NFIB: variants seen among roughly 807,000 people sequenced by gnomAD.
NFIB encodes the protein nuclear factor 1 B-type.
NFIB carries 11 observed loss-of-function variants against 61.5 expected under a neutral mutation model. The ratio of observed to expected loss-of-function variants is 0.18; its 90% confidence interval spans 0.11 to 0.30. NFIB has a LOEUF of 0.30. Ranked by LOEUF, NFIB falls within the 10% of genes least tolerant of loss-of-function variation. The pLI, the probability that NFIB is intolerant of heterozygous loss-of-function variation, is 1.00. For missense variants in NFIB, 471 were observed against 608.9 expected, an observed-to-expected ratio of 0.77 and a Z score of 2.38; for synonymous variants, 260 against 216.5, an observed-to-expected ratio of 1.20 and a Z score of -1.76.
chr9:14,415,748 G>C, the NFIB span, among the ~76,000 whole-genome samples: 1 of 152,126 alleles, frequency 6.6e-6, no homozygotes, highest in Non-Finnish European at 1.5e-5. Context: ...TGGTGATGTC[G>C]GTGTCCAACA....
chr9:14,085,237 G>A lies in NFIB; in HGVS notation c.*3072C>T. 4.4e-6 allele frequency: 1 copy of A among 227,776 alleles called. No homozygotes were observed. The allele number at this position is 227,776 out of a possible 1,614,324, so 14.1% of individuals were successfully genotyped here. A position where few individuals can be genotyped will look rare whatever the true frequency, so the allele number is the denominator to read the frequency against. On this transcript the variant is annotated 3_prime_UTR_variant, in exon 11 of 11. Transcript: ENST00000380953. ...TGTTCTAAAGTATTCATTATTAAAT[G>A]ATATGCTGTGAGAACAATTGACAGT...
chr9:14,194,453 AG>A (rs570348535), intron 2 of NFIB, among the ~76,000 whole-genome samples: 111 of 152,272 alleles, frequency 7.3e-4, no homozygotes, highest in Middle Eastern at 3.4e-3. Context: ...TGGGTGGGAC[AG>A]GGAGCCTAAA....
chr9:14,188,234 A>T (rs1311441185), intron 2 of NFIB, among the ~76,000 whole-genome samples: 1 of 152,222 alleles, frequency 6.6e-6, no homozygotes, highest in Non-Finnish European at 1.5e-5. Context: ...AATCTTATTT[A>T]AATTAATTAA....
rs140176824 is a variant in NFIB at position 14,210,609 on chromosome 9, C to T, written c.563-30829G>A. Among the ~76,000 whole-genome samples, 267 of 151,998 alleles carry T rather than the reference C, an allele frequency of 1.8e-3. 1 individual carries two copies. Among genetic ancestry groups the T allele is most frequent in the Middle Eastern group, 3.4e-3 (1 of 294 alleles). On this transcript the variant is annotated intron_variant, in intron 2 of 10. Coordinates refer to ENST00000380953, the MANE Select transcript of NFIB (RefSeq NM_001190737.2). Reference sequence around the variant, plus strand: ...ATCCCTAACCAAATATAAATAGCATCGTTAGTCAATTACTTCTGATGGTTA... The same window carrying T: ...ATCCCTAACCAAATATAAATAGCATTGTTAGTCAATTACTTCTGATGGTTA...
At chr9:14,383,739 C>G (rs113382961) in intron 1 of NFIB, among the ~76,000 whole-genome samples, 1 of 152,184 alleles carries the variant, frequency 6.6e-6, no homozygotes. Flanking sequence ...AGAGCGTACT[C>G]TGAAGATTTA....
intron 2 of NFIB, among the ~76,000 whole-genome samples, chr9:14,262,754 T>A (rs1439046463): frequency 6.6e-6 from 1 of 152,190 alleles, no homozygotes; most frequent in Non-Finnish European, 1.5e-5. Flanking sequence ...CAAGAGTCAC[T>A]GGTAAGGCAG....
chr9:14,273,492 C>CG (rs2057772450), intron 2 of NFIB, among the ~76,000 whole-genome samples: 2 of 151,810 alleles, frequency 1.3e-5, no homozygotes, highest in Admixed American at 1.3e-4. Context: ...GAGTACCTGC[C>CG]GGCAGATTTC....
chr9:14,313,411 G>C lies in NFIB; in HGVS notation c.30+71C>G. Reference sequence around the variant, plus strand: ...CGGAGGTTAACTCAAGCCGCTAATTGTCCGCAACAAAACAAAACAAAGGCA... The same window carrying C: ...CGGAGGTTAACTCAAGCCGCTAATTCTCCGCAACAAAACAAAACAAAGGCA... On this transcript the variant is annotated intron_variant, in intron 1 of 10. Coordinates refer to ENST00000380953, the MANE Select transcript of NFIB (RefSeq NM_001190737.2). The surrounding 1 kb of genome is among the most constrained non-coding windows in gnomAD (Gnocchi z 4.5). The C allele has an allele frequency of 1.2e-6, 2 of 1,605,036 alleles. No homozygotes were observed. Among genetic ancestry groups the C allele is most frequent in the Non-Finnish European group, 1.7e-6 (2 of 1,173,108 alleles).
chr9:14,264,790 G>A (rs1296487642), intron 2 of NFIB, among the ~76,000 whole-genome samples: 2 of 152,148 alleles, frequency 1.3e-5, no homozygotes, highest in East Asian at 3.9e-4. Context: ...AGCCAATAAG[G>A]AACTTGAAAG....
At chr9:14,089,671 G>C (rs577867906) in intron 10 of NFIB, among the ~76,000 whole-genome samples, 48 of 151,998 alleles carry the variant, frequency 3.2e-4, no homozygotes, top group African/African-American at 1.2e-3. Context: ...AAATTTCACT[G>C]AACATCCTTT....
At chr9:14,237,961 T>G (rs185655089) in intron 2 of NFIB, among the ~76,000 whole-genome samples, 1 of 151,088 alleles carries the variant, frequency 6.6e-6, no homozygotes, top group African/African-American at 2.4e-5. Context: ...AGGCTTACGG[T>G]CTAGGAGGGG....
chr9:14,191,955 C>A (rs193190935), intron 2 of NFIB, among the ~76,000 whole-genome samples: 50 of 152,262 alleles, frequency 3.3e-4, no homozygotes, highest in African/African-American at 1.1e-3. Flanking sequence ...TACACAAAAA[C>A]AAGAAATCAC....
At chr9:14,398,743 G>T in exon 1 of NFIB, 1 of 679,096 alleles carries the variant, frequency 1.5e-6, no homozygotes, top group Non-Finnish European at 2.4e-6. Context: ...AGCTTCATAG[G>T]AATGAACAGG....
chr9:14,523,921 A>T, the NFIB span, among the ~76,000 whole-genome samples: 9,783 of 152,170 alleles, frequency 0.064, 321 homozygotes, highest in African/African-American at 0.067. Flanking sequence ...TGTTAATTTC[A>T]TCATAATTCC....
At chr9:14,147,951 C>T (rs1222923049) in intron 5 of NFIB, among the ~76,000 whole-genome samples, 2 of 151,948 alleles carry the variant, frequency 1.3e-5, no homozygotes, top group East Asian at 1.9e-4. Context: ...CAAAATGATA[C>T]ATTTTAATAT....
chr9:14,490,605 A>T, the NFIB span, among the ~76,000 whole-genome samples: 1 of 152,142 alleles, frequency 6.6e-6, no homozygotes, highest in Non-Finnish European at 1.5e-5. Context: ...CAACTCAATA[A>T]AAAAAGACAG....
intron 1 of NFIB, among the ~76,000 whole-genome samples, chr9:14,372,988 G>A (rs187062995): frequency 3.9e-5 from 6 of 152,170 alleles, no homozygotes; most frequent in Admixed American, 6.5e-5. Flanking sequence ...GAACGGTGGT[G>A]GGGGGTGGGG....
At chr9:14,403,251 A>T (rs563910966), upstream of NFIB, among the ~76,000 whole-genome samples, 1 of 152,324 alleles carries the variant, frequency 6.6e-6, no homozygotes, top group East Asian at 1.9e-4. Context: ...TCAGGCCAAG[A>T]TGAGCCATGT....
chr9:14,503,031 C>T, the NFIB span, among the ~76,000 whole-genome samples: 33 of 151,836 alleles, frequency 2.2e-4, no homozygotes, highest in African/African-American at 7.5e-4. Context: ...CCAATTCCAT[C>T]CAGGTTTCTG....
Sources: gnomAD v4.1 joint callset for allele counts (sites outside exome capture counted in the v4.1 genomes callset) on GRCh38, gnomAD v4.1.1 for gene constraint, Gnocchi (gnomAD v3.1) non-coding constraint, MANE v1.5 for transcripts, NCBI Gene and HGNC (gene_info 2026-07-23, HGNC 2026-07-21) for gene names.